CCDC57: variants seen among roughly 807,000 people sequenced by gnomAD.
CCDC57 encodes the protein coiled-coil domain containing 57.
In CCDC57, 118 loss-of-function variants were observed where a neutral mutation model predicts 118.9. The observed-to-expected ratio is 0.99, with a 90% CI of 0.86 to 1.16. CCDC57 has a LOEUF of 1.16. Among genes scored for constraint, CCDC57 ranks in the 50% most tolerant of loss-of-function variants. The pLI is 0.00. For missense variants in CCDC57, 1,300 were observed against 1,320.7 expected (o/e 0.98, Z 0.24); for synonymous variants, 527 against 532.9 (o/e 0.99, Z 0.15).
At chr17:82,138,717 G>A (rs982673648) in intron 16 of CCDC57, among the ~76,000 whole-genome samples, 7 of 151,548 alleles carry the variant, frequency 4.6e-5, no homozygotes, top group Non-Finnish European at 1.0e-4. Context: ...GGCCTGCCCC[G>A]GGCTGTGTGT....
intron 19 of CCDC57, among the ~76,000 whole-genome samples, chr17:82,103,872 C>T (rs12946944): frequency 0.24 from 36,809 of 152,050 alleles, 4,999 homozygotes; most frequent in Non-Finnish European, 0.31. Flanking sequence ...TGGCCCCCTC[C>T]CCAGGGCAGG....
chr17:82,121,953 C>T (rs2145134295), intron 19 of CCDC57, among the ~76,000 whole-genome samples: 1 of 152,312 alleles, frequency 6.6e-6, no homozygotes, highest in Non-Finnish European at 1.5e-5. Context: ...TCCCAGGCCA[C>T]CCACACTCTC....
chr17:82,151,947 C>T, intron 15 of CCDC57, 174 bp from the exon 15 acceptor site: 1 of 604,948 alleles, frequency 1.7e-6, no homozygotes, highest in Non-Finnish European at 2.9e-6. Flanking sequence ...CCCAGTGCTT[C>T]AGTGGGTTCC....
intron 8 of CCDC57, among the ~76,000 whole-genome samples, chr17:82,184,786 TGGA>T (rs2046729834): frequency 6.6e-6 from 1 of 152,092 alleles, no homozygotes; most frequent in East Asian, 1.9e-4. Flanking sequence ...TTATATAGAA[TGGA>T]AAAAAAGCCA....
At chr17:82,207,115 T>C (rs2049755696) in intron 2 of CCDC57, among the ~76,000 whole-genome samples, 1 of 152,126 alleles carries the variant, frequency 6.6e-6, no homozygotes, top group Non-Finnish European at 1.5e-5. Context: ...AGGCTGAGGC[T>C]GGATCACTTG....
At chr17:82,163,271 C>T (rs2043572102) in exon 14 of CCDC57, 3 of 1,614,056 alleles carry the variant, frequency 1.9e-6, no homozygotes, top group Middle Eastern at 1.6e-4. Context: ...AGTGCCAGTC[C>T]AGAGGATACT....
intron 15 of CCDC57, among the ~76,000 whole-genome samples, chr17:82,153,033 C>T (rs1245384891): frequency 6.6e-6 from 1 of 152,244 alleles, no homozygotes; most frequent in Non-Finnish European, 1.5e-5. Flanking sequence ...CAGGCCTGAG[C>T]CCGAGTCCAG....
chr17:82,108,081 G>A (rs1245288099), intron 19 of CCDC57, among the ~76,000 whole-genome samples: 2 of 152,192 alleles, frequency 1.3e-5, no homozygotes, highest in African/African-American at 4.8e-5. Context: ...CTCTGTCCAC[G>A]TGATGTTGGA....
chr17:82,149,222 T>A (rs1598923689), intron 16 of CCDC57, among the ~76,000 whole-genome samples: 2 of 69,976 alleles, frequency 2.9e-5, no homozygotes, highest in Admixed American at 1.9e-4. Flanking sequence ...AATGGATGGG[T>A]GGGTGGGTAG....
Position 82,172,922 on chromosome 17 carries a change from G to C in CCDC57, c.1507-62C>G. ...AATGGTTCCCCAGCTTGTCCTGACA[G>C]GCTGTGCCTCCGCTCTCCCCGCGCC... is the stretch of plus-strand genomic sequence containing the variant. On this transcript the variant is annotated intron_variant, in intron 11 of 19. Transcript: ENST00000665763. This position sits in a 1 kb window ranked among gnomAD's most constrained non-coding sequence, Gnocchi z 5.2. 1 of 1,447,644 alleles carries C rather than the reference G, an allele frequency of 6.9e-7. No homozygotes were observed. Among genetic ancestry groups the C allele is most frequent in the Non-Finnish European group, 9.5e-7 (1 of 1,051,536 alleles). 89.7% of individuals were successfully genotyped at this position (1,447,644 alleles called of 1,614,324 possible).
At chr17:82,162,140 TG>T (rs933817867) in intron 14 of CCDC57, among the ~76,000 whole-genome samples, 12 of 151,934 alleles carry the variant, frequency 7.9e-5, no homozygotes, top group African/African-American at 2.9e-4. Context: ...GCTGGGACTA[TG>T]GGTACCCGCC....
chr17:82,204,424 A>G (rs1425814557), intron 2 of CCDC57, among the ~76,000 whole-genome samples: 1 of 152,202 alleles, frequency 6.6e-6, no homozygotes, highest in Non-Finnish European at 1.5e-5. Context: ...TCTTACCACA[A>G]GAGACCTCAA....
At chr17:82,151,071 G>A (rs1165406583) in intron 16 of CCDC57, among the ~76,000 whole-genome samples, 26 of 87,280 alleles carry the variant, frequency 3.0e-4, no homozygotes, top group Non-Finnish European at 3.6e-4. Context: ...CCAGAACCAG[G>A]CGCACACTCA....
intron 3 of CCDC57, among the ~76,000 whole-genome samples, chr17:82,201,306 A>G (rs2048962922): frequency 1.3e-5 from 2 of 152,270 alleles, no homozygotes; most frequent in African/African-American, 4.8e-5. Context: ...ATCAGAACCC[A>G]GAAAAAGACA....
At chr17:82,127,006 C>T (rs1273907976) in intron 19 of CCDC57, 2 of 985,276 alleles carry the variant, frequency 2.0e-6, no homozygotes, top group Non-Finnish European at 2.4e-6. Context: ...CTGTTTCCCT[C>T]CCCCCTTCTC....
At chr17:82,186,100 G>A (rs2046891344) in intron 8 of CCDC57, among the ~76,000 whole-genome samples, 1 of 151,928 alleles carries the variant, frequency 6.6e-6, no homozygotes, top group African/African-American at 2.4e-5. Flanking sequence ...AGAGGTGTGA[G>A]CCACTGTGCC....
At chr17:82,194,617 A>AC (rs769589811) in intron 5 of CCDC57, among the ~76,000 whole-genome samples, 6 of 151,922 alleles carry the variant, frequency 3.9e-5, no homozygotes, top group Admixed American at 1.3e-4. Context: ...GCCTTCATTG[A>AC]CCCCCTGACA....
chr17:82,179,213 G>T, intron 9 of CCDC57, 24 bp from the exon 9 acceptor site: 3 of 1,599,792 alleles, frequency 1.9e-6, no homozygotes, highest in Non-Finnish European at 2.6e-6. Flanking sequence ...CAACCGCTCA[G>T]CATTAATGCT....
rs544850965 is a variant in CCDC57, at chr17:82,172,015, G to C, written c.1730-162C>G. 6.6e-6 allele frequency among the ~76,000 whole-genome samples: 1 copy of C among 152,242 alleles called. No homozygotes were observed. Among genetic ancestry groups the C allele is most frequent in the South Asian group, 2.1e-4 (1 of 4,826 alleles). On this transcript the variant is annotated intron_variant, in intron 12 of 19. Coordinates refer to ENST00000665763, the Ensembl canonical transcript of CCDC57. This position sits in a 1 kb window ranked among gnomAD's most constrained non-coding sequence, Gnocchi z 5.2. ...CTTCACCGTAGTTTCCACACTCTCT[G>C]TGTGTGTCAGACTGAAAGACCTTCC...
Sources: allele counts gnomAD v4.1 joint callset (sites outside exome capture counted in the v4.1 genomes callset), GRCh38; gene constraint gnomAD v4.1.1; non-coding constraint Gnocchi (gnomAD v3.1); transcripts MANE v1.5; gene names NCBI Gene and HGNC (gene_info 2026-07-23, HGNC 2026-07-21).